The following CNTNAP5 variants were observed in gnomAD, a reference collection of about 807,000 sequenced individuals.
The protein encoded by CNTNAP5 is contactin-associated protein-like 5.
Under a neutral mutation model 150.2 loss-of-function variants are expected in CNTNAP5, and 72 were observed. The ratio of observed to expected loss-of-function variants is 0.48; its 90% CI spans 0.40 to 0.58. The LOEUF is 0.58. Among genes scored for constraint, CNTNAP5 ranks in the 20% least tolerant of loss-of-function variants. CNTNAP5 has a pLI of 0.00. For synonymous variants in CNTNAP5, 672 were observed against 619.8 expected (o/e 1.08, Z -1.25); for missense variants, 1,636 against 1,626.2 (o/e 1.01, Z -0.10).
At chr2:124,548,198 A>G (rs1346101218) in intron 10 of CNTNAP5, among the ~76,000 whole-genome samples, 2 of 152,192 alleles carry the variant, frequency 1.3e-5, no homozygotes, top group Admixed American at 6.5e-5. Flanking sequence ...AAGGGTCGTG[A>G]CATTTTAGCT....
At chr2:124,119,034 G>A (rs1405075612) in intron 1 of CNTNAP5, among the ~76,000 whole-genome samples, 1 of 152,162 alleles carries the variant, frequency 6.6e-6, no homozygotes, top group Non-Finnish European at 1.5e-5. Flanking sequence ...TGGTGGATCA[G>A]ACCAAGCTCT....
chr2:124,261,159 T>C (rs1687443205), intron 3 of CNTNAP5, among the ~76,000 whole-genome samples: 1 of 152,164 alleles, frequency 6.6e-6, no homozygotes, highest in African/African-American at 2.4e-5. Context: ...CCCACATAAA[T>C]GAAGGCCATG....
intron 11 of CNTNAP5, among the ~76,000 whole-genome samples, chr2:124,568,674 G>C (rs759828032): frequency 3.3e-5 from 5 of 152,118 alleles, no homozygotes; most frequent in Non-Finnish European, 7.4e-5. Flanking sequence ...TTCTTATTCT[G>C]GTGAGAGAGG....
chr2:124,136,135 A>G (rs570029184), intron 1 of CNTNAP5, among the ~76,000 whole-genome samples: 34 of 152,278 alleles, frequency 2.2e-4, no homozygotes, highest in Admixed American at 5.9e-4. Context: ...CTGAGAATGT[A>G]ATCTTGTCTT....
chr2:124,582,895 G>C (rs1476302300), intron 11 of CNTNAP5, among the ~76,000 whole-genome samples: 3 of 152,008 alleles, frequency 2.0e-5, no homozygotes, highest in African/African-American at 7.2e-5. Flanking sequence ...TGATGATTTT[G>C]TTTAAAAAAT....
chr2:124,569,918 T>C (rs761831385), intron 11 of CNTNAP5, among the ~76,000 whole-genome samples: 13 of 152,242 alleles, frequency 8.5e-5, no homozygotes, highest in Non-Finnish European at 1.6e-4. Flanking sequence ...CATGTAGTTA[T>C]GTTAACTAAC....
At chr2:124,052,914 C>G (rs1681737504) in intron 1 of CNTNAP5, among the ~76,000 whole-genome samples, 1 of 152,122 alleles carries the variant, frequency 6.6e-6, no homozygotes, top group African/African-American at 2.4e-5. Flanking sequence ...CTGCTTAGCC[C>G]AGTATCAACC....
chr2:124,494,660 G>A (rs1694106465), intron 7 of CNTNAP5, among the ~76,000 whole-genome samples: 1 of 152,166 alleles, frequency 6.6e-6, no homozygotes. Flanking sequence ...TGAGTAGACT[G>A]GACGCATGAC....
chr2:124,846,469 C>G lies in CNTNAP5; in HGVS notation c.3218-18837C>G, dbSNP rs536850242. 2.0e-5 allele frequency among the ~76,000 whole-genome samples: 3 copies of G among 152,188 alleles called. No homozygotes were observed. In the South Asian group the frequency reaches 6.2e-4, roughly 32 times the overall value. On this transcript the variant is annotated intron_variant, in intron 19 of 23. Transcript: ENST00000682447. ...CTATTTCACTGAGGAATTTCTCTTT[C>G]ATATCCTGTATCAGGTTTTTGATTT...
chr2:124,088,227 C>A (rs971296182), intron 1 of CNTNAP5, among the ~76,000 whole-genome samples: 1 of 152,068 alleles, frequency 6.6e-6, no homozygotes, highest in Non-Finnish European at 1.5e-5. Flanking sequence ...GACTATCAAG[C>A]CTGTCCTCTG....
intron 7 of CNTNAP5, among the ~76,000 whole-genome samples, chr2:124,496,619 C>T (rs1694153736): frequency 6.6e-6 from 1 of 152,148 alleles, no homozygotes; most frequent in African/African-American, 2.4e-5. Context: ...ACATAAGAAA[C>T]TTGAAAAATA....
In CNTNAP5 at chr2:124,609,835, C is replaced by T. The variant is rs769766878; in HGVS notation, c.1791C>T (p.His597=). The T allele has an allele frequency of 6.2e-7, 1 of 1,613,954 alleles. No individual in the cohort carries two copies. Among genetic ancestry groups the T allele is most frequent in the African/African-American group, 1.3e-5 (1 of 75,024 alleles). The change falls in exon 12 of 24, where the codon CAC becomes CAT. Residue 597 remains histidine, a synonymous_variant. Coordinates refer to ENST00000682447, the MANE Select transcript of CNTNAP5 (RefSeq NM_001367498.1). The stretch of plus-strand genomic sequence containing the variant: ...AGCAATCCTGCGAGGTGTACAGGCA[C>T]CAGGGGAATACAGCCGGCTTCTTCT... ...IYEQSCEVYR[H]QGNTAGFFYI... is the part of the protein sequence containing the mutation.
chr2:124,183,070 A>T (rs1008438961), intron 1 of CNTNAP5, among the ~76,000 whole-genome samples: 1 of 152,114 alleles, frequency 6.6e-6, no homozygotes, highest in Non-Finnish European at 1.5e-5. Context: ...CCAACCCTTT[A>T]TATTTGGTGA....
intron 13 of CNTNAP5, among the ~76,000 whole-genome samples, chr2:124,655,999 A>AAAGGAAGAAAGAAAGAAGGAAGGAAGG: frequency 1.1e-5 from 1 of 90,642 alleles, no homozygotes; most frequent in African/African-American, 4.1e-5. Context: ...AAGAAAGAAA[A>AAAGGAAGAAAGAAAGAAGGAAGGAAGG]AAGGAAGGAA....
chr2:124,107,550 A>G (rs1229271011), intron 1 of CNTNAP5, among the ~76,000 whole-genome samples: 1 of 152,154 alleles, frequency 6.6e-6, no homozygotes, highest in Non-Finnish European at 1.5e-5. Flanking sequence ...TTAAATTTTA[A>G]TAGGTGAGTT....
intron 4 of CNTNAP5, among the ~76,000 whole-genome samples, chr2:124,428,372 G>T (rs1001206807): frequency 6.6e-6 from 1 of 152,158 alleles, no homozygotes; most frequent in Non-Finnish European, 1.5e-5. Context: ...CTTAGTCCTC[G>T]AGAGCAGGGA....
intron 14 of CNTNAP5, among the ~76,000 whole-genome samples, chr2:124,761,890 A>T (rs1034701336): frequency 2.6e-5 from 4 of 152,136 alleles, no homozygotes; most frequent in Admixed American, 2.6e-4. Flanking sequence ...AAAACATCAA[A>T]CTTTTGTGGA....
intron 1 of CNTNAP5, among the ~76,000 whole-genome samples, chr2:124,147,793 G>A (rs536855113): frequency 3.3e-5 from 5 of 152,220 alleles, no homozygotes; most frequent in Non-Finnish European, 5.9e-5. Flanking sequence ...GCTTGGGCTC[G>A]GGCACCCTTC....
chr2:124,780,415 C>T (rs1039827048), intron 17 of CNTNAP5, among the ~76,000 whole-genome samples: 1 of 152,198 alleles, frequency 6.6e-6, no homozygotes, highest in Non-Finnish European at 1.5e-5. Context: ...CTTCTTCTCA[C>T]AAATCAACAG....
Sources: allele counts gnomAD v4.1 joint callset (sites outside exome capture counted in the v4.1 genomes callset), GRCh38; gene constraint gnomAD v4.1.1; transcripts MANE v1.5; gene names NCBI Gene and HGNC (gene_info 2026-07-23, HGNC 2026-07-21).